The following ARB2A variants were observed in gnomAD, a reference collection of about 807,000 sequenced individuals.
The protein encoded by ARB2A is cotranscriptional regulator ARB2A.
At chr5:93,758,195 T>C in the ARB2A span, among the ~76,000 whole-genome samples, 3 of 152,030 alleles carry the variant, frequency 2.0e-5, no homozygotes, top group Non-Finnish European at 4.4e-5. Context: ...CAGGAAAATA[T>C]CACAATCCTA....
At chr5:93,952,633 C>A in the ARB2A span, among the ~76,000 whole-genome samples, 2 of 152,068 alleles carry the variant, frequency 1.3e-5, no homozygotes, top group Non-Finnish European at 2.9e-5. Flanking sequence ...TATTAAATGT[C>A]TTGATGTATT....
chr5:93,885,575 C>A, the ARB2A span, among the ~76,000 whole-genome samples: 2 of 151,500 alleles, frequency 1.3e-5, no homozygotes, highest in African/African-American at 4.8e-5. Flanking sequence ...TTTCAAAAGA[C>A]AAAGCATACA....
chr5:93,687,290 A>G, the ARB2A span, among the ~76,000 whole-genome samples: 1 of 152,212 alleles, frequency 6.6e-6, no homozygotes, highest in Non-Finnish European at 1.5e-5. Flanking sequence ...ACATAAATGT[A>G]AACTTGTATA....
chr5:93,979,119 T>A, the ARB2A span, among the ~76,000 whole-genome samples: 1 of 152,114 alleles, frequency 6.6e-6, no homozygotes, highest in Non-Finnish European at 1.5e-5. Flanking sequence ...AAGTACCCCA[T>A]AAATGTGTAA....
the ARB2A span, among the ~76,000 whole-genome samples, chr5:93,961,512 C>G: frequency 6.6e-6 from 1 of 152,074 alleles, no homozygotes; most frequent in African/African-American, 2.4e-5. Flanking sequence ...TAGTGAGACC[C>G]TGTCTCTACA....
At chr5:94,026,426 A>T in the ARB2A span, among the ~76,000 whole-genome samples, 1 of 152,180 alleles carries the variant, frequency 6.6e-6, no homozygotes, top group East Asian at 1.9e-4. Flanking sequence ...GAAGAATTTC[A>T]TTGGGTGAAG....
chr5:93,701,578 G>T, the ARB2A span, among the ~76,000 whole-genome samples: 1 of 144,284 alleles, frequency 6.9e-6, no homozygotes. Flanking sequence ...AATAATCCCT[G>T]TTTTTTTTTT....
the ARB2A span, among the ~76,000 whole-genome samples, chr5:93,998,028 T>C: frequency 6.6e-6 from 1 of 151,260 alleles, no homozygotes; most frequent in Non-Finnish European, 1.5e-5. Context: ...GAGAGAGAAA[T>C]ATGTGGATGC....
chr5:94,086,701 C>T, the ARB2A span, among the ~76,000 whole-genome samples: 1 of 151,914 alleles, frequency 6.6e-6, no homozygotes, highest in African/African-American at 2.4e-5. Flanking sequence ...TACAGGTGCC[C>T]GCCACCACGC....
the ARB2A span, chr5:93,618,923 T>C: frequency 6.6e-6 from 1 of 152,244 alleles, no homozygotes; most frequent in Non-Finnish European, 1.5e-5. Flanking sequence ...TGTGCTCTAA[T>C]TCAGGTGCAG....
At chr5:93,803,363 GTTAT>G in the ARB2A span, among the ~76,000 whole-genome samples, 1 of 151,808 alleles carries the variant, frequency 6.6e-6, no homozygotes, top group Non-Finnish European at 1.5e-5. Flanking sequence ...CTACTTGGTG[GTTAT>G]TTGTTATTAA....
the ARB2A span, among the ~76,000 whole-genome samples, chr5:93,898,143 T>C: frequency 5.3e-5 from 8 of 152,070 alleles, no homozygotes; most frequent in African/African-American, 1.7e-4. Flanking sequence ...TACTAGTATG[T>C]CCAAAATGAG....
chr5:93,808,917 C>T, the ARB2A span, among the ~76,000 whole-genome samples: 1 of 151,858 alleles, frequency 6.6e-6, no homozygotes, highest in Non-Finnish European at 1.5e-5. Flanking sequence ...ATTATGCCAG[C>T]AACTATAATA....
chr5:93,768,383 C>T, the ARB2A span, among the ~76,000 whole-genome samples: 27,150 of 150,824 alleles, frequency 0.18, 2,794 homozygotes, highest in Middle Eastern at 0.27. Flanking sequence ...AAGCCAACAA[C>T]AACAAAAAGA....
chr5:94,061,841 T>A, the ARB2A span, among the ~76,000 whole-genome samples: 1 of 152,214 alleles, frequency 6.6e-6, no homozygotes, highest in Admixed American at 6.5e-5. Flanking sequence ...AGACTCAATA[T>A]TATAGATATC....
chr5:93,904,977 G>A, the ARB2A span, among the ~76,000 whole-genome samples: 1 of 151,664 alleles, frequency 6.6e-6, no homozygotes, highest in Non-Finnish European at 1.5e-5. Flanking sequence ...AAAGACTACA[G>A]AGGAACAAAA....
At chr5:93,622,442 T>C in the ARB2A span, among the ~76,000 whole-genome samples, 2 of 152,256 alleles carry the variant, frequency 1.3e-5, no homozygotes, top group Admixed American at 6.5e-5. Flanking sequence ...GGTAACCACA[T>C]TTGTTGCCTA....
the ARB2A span, among the ~76,000 whole-genome samples, chr5:93,722,088 A>G: frequency 6.6e-6 from 1 of 152,152 alleles, no homozygotes; most frequent in Non-Finnish European, 1.5e-5. Flanking sequence ...GAATAAACAA[A>G]TAACTATTAA....
chr5:93,779,403 C>T, the ARB2A span, among the ~76,000 whole-genome samples: 3 of 151,900 alleles, frequency 2.0e-5, no homozygotes, highest in East Asian at 5.8e-4. Flanking sequence ...TTTTTCAAGG[C>T]CCCCGTTTGT....
Sources: gnomAD v4.1 joint callset for allele counts (sites outside exome capture counted in the v4.1 genomes callset) on GRCh38, gnomAD v4.1.1 for gene constraint, MANE v1.5 for transcripts, NCBI Gene and HGNC (gene_info 2026-07-23, HGNC 2026-07-21) for gene names.